The following YPEL5 variants were observed in gnomAD, a reference collection of about 807,000 sequenced individuals.
YPEL5 encodes the protein protein yippee-like 5.
Under a neutral mutation model 10.5 loss-of-function variants are expected in YPEL5, and 1 was observed. That is an observed-to-expected ratio of 0.10 (90% CI 0.03 to 0.45). The LOEUF is 0.45. Among genes scored for constraint, YPEL5 ranks in the 20% least tolerant of loss-of-function variants. YPEL5 has a pLI of 0.97. For missense variants in YPEL5, 68 were observed against 159.3 expected (o/e 0.43, Z 3.09); for synonymous variants, 61 against 56.6 (o/e 1.08, Z -0.35).
intron 1 of YPEL5, among the ~76,000 whole-genome samples, chr2:30,151,506 A>T (rs1465900415): frequency 6.6e-6 from 1 of 152,252 alleles, no homozygotes; most frequent in Non-Finnish European, 1.5e-5. Context: ...TTATATTTTC[A>T]TCCCAGCCCC....
At chr2:30,158,364 G>A (rs939555030) in intron 2 of YPEL5, among the ~76,000 whole-genome samples, 2 of 152,162 alleles carry the variant, frequency 1.3e-5, no homozygotes, top group Non-Finnish European at 2.9e-5. Flanking sequence ...AATGTAACTA[G>A]TATGTTTAAA....
intron 2 of YPEL5, among the ~76,000 whole-genome samples, chr2:30,157,189 A>G (rs1676080389): frequency 6.6e-6 from 1 of 152,072 alleles, no homozygotes; most frequent in South Asian, 2.1e-4. Flanking sequence ...AGGCTGAGGC[A>G]GGAGAAACAC....
At chr2:30,150,497 A>C (rs1397753869) in intron 1 of YPEL5, among the ~76,000 whole-genome samples, 4 of 152,214 alleles carry the variant, frequency 2.6e-5, no homozygotes, top group Non-Finnish European at 4.4e-5. Flanking sequence ...TCTGAGCTCC[A>C]CAGTTTAAGT....
At chr2:30,156,058 C>T (rs1040309603) in intron 1 of YPEL5, 1 of 152,352 alleles carries the variant, frequency 6.6e-6, no homozygotes, top group Admixed American at 6.5e-5. Flanking sequence ...TACCTAGTAA[C>T]AGTGCTCCCT....
At chr2:30,150,352 T>A (rs1675725418) in intron 1 of YPEL5, among the ~76,000 whole-genome samples, 1 of 152,172 alleles carries the variant, frequency 6.6e-6, no homozygotes, top group Non-Finnish European at 1.5e-5. Context: ...CCACTTAATT[T>A]CTCATAACTC....
At chr2:30,149,627 G>T (rs1266343788) in intron 1 of YPEL5, among the ~76,000 whole-genome samples, 1 of 152,234 alleles carries the variant, frequency 6.6e-6, no homozygotes, top group Non-Finnish European at 1.5e-5. Flanking sequence ...CGAGGGAAGA[G>T]ATTAAAAACG....
At chr2:30,150,806 C>T (rs1281586478) in intron 1 of YPEL5, among the ~76,000 whole-genome samples, 1 of 152,078 alleles carries the variant, frequency 6.6e-6, no homozygotes, top group Non-Finnish European at 1.5e-5. Flanking sequence ...GGTAAAGGGC[C>T]AGGTAAAAAA....
intron 1 of YPEL5, chr2:30,147,879 G>C (rs924030285): frequency 6.5e-6 from 1 of 153,602 alleles, no homozygotes; most frequent in African/African-American, 2.4e-5. Context: ...CTGCCGCCCC[G>C]GTCCCTCCCG....
At chr2:30,154,670 G>T (rs181134506) in intron 1 of YPEL5, among the ~76,000 whole-genome samples, 1 of 152,102 alleles carries the variant, frequency 6.6e-6, no homozygotes, top group Non-Finnish European at 1.5e-5. Context: ...GTATTCCTAG[G>T]CTACCAAATG....
Position 30,156,549 on chromosome 2 carries a change from T to G in YPEL5, c.-24-79T>G. ...AGATTACATAAATACGTATACAAAT[T>G]GTTCTCTATGACACCCCCCAAGTAG... is the stretch of plus-strand genomic sequence containing the variant. On this transcript the variant is annotated intron_variant, in intron 1 of 2. Coordinates refer to ENST00000261353, the MANE Select transcript of YPEL5 (RefSeq NM_016061.3). The G allele has an allele frequency of 3.0e-6, 4 of 1,311,850 alleles. No homozygotes were observed. In the South Asian group the frequency reaches 5.3e-5, roughly 17 times the overall value. 81.3% of individuals were successfully genotyped at this position (1,311,850 alleles called of 1,614,324 possible). A position where few individuals can be genotyped will look rare whatever the true frequency, so the allele number is the denominator to read the frequency against.
chr2:30,156,584 T>C (rs976213890), intron 1 of YPEL5, 44 bp from the exon 2 acceptor site: 2 of 1,583,236 alleles, frequency 1.3e-6, no homozygotes, highest in African/African-American at 2.7e-5. Context: ...GGTGCTAACA[T>C]GATTATTATA....
chr2:30,154,455 T>C (rs1395586799), intron 1 of YPEL5, among the ~76,000 whole-genome samples: 1 of 152,218 alleles, frequency 6.6e-6, no homozygotes, highest in African/African-American at 2.4e-5. Flanking sequence ...TGCAGGTCAC[T>C]TGTAGTCAGT....
chr2:30,147,934 G>A (rs1004557216), intron 1 of YPEL5: 1 of 152,402 alleles, frequency 6.6e-6, no homozygotes, highest in East Asian at 1.9e-4. Flanking sequence ...TGGGCCGGCG[G>A]GGGCGCTCGC....
chr2:30,152,890 G>GTTTTTTTTTT (rs373848986), intron 1 of YPEL5, among the ~76,000 whole-genome samples: 4 of 122,724 alleles, frequency 3.3e-5, no homozygotes, highest in Non-Finnish European at 5.1e-5. Flanking sequence ...ACTGTCCTTT[G>GTTTTTTTTTT]TTTTTTTTTT....
chr2:30,157,889 G>A (rs1365559271), intron 2 of YPEL5, among the ~76,000 whole-genome samples: 1 of 152,230 alleles, frequency 6.6e-6, no homozygotes, highest in Non-Finnish European at 1.5e-5. Flanking sequence ...ACACAGCTCT[G>A]CTTGTGCATT....
chr2:30,156,933 C>A, intron 2 of YPEL5, 141 bp downstream of exon 2: 2 of 1,034,342 alleles, frequency 1.9e-6, no homozygotes, highest in Non-Finnish European at 2.8e-6. Flanking sequence ...TGCCCACTAG[C>A]TCGTCTTTGA....
rs116758422 is a variant in YPEL5 at position 30,149,895 on chromosome 2, A to G, written c.-25+2833A>G. On this transcript the variant is annotated intron_variant, in intron 1 of 2. Transcript: ENST00000261353. ...CCCTGAGGCGATGGTTTCATTTACTAAGGAAAAGTTTATCTGTGAACTGGG... is the reference window on the plus strand; with the variant it reads ...CCCTGAGGCGATGGTTTCATTTACTGAGGAAAAGTTTATCTGTGAACTGGG... Among the ~76,000 whole-genome samples, 768 of 152,330 alleles carry G rather than the reference A, an allele frequency of 5.0e-3. 12 individuals carry two copies. The highest frequency in any genetic ancestry group is 0.018 in the African/African-American group (734 of 41,580).
rs1467284580 is a variant in YPEL5 at position 30,158,600 on chromosome 2, T to G, written c.142-19T>G. The G allele has an allele frequency of 4.3e-6, 7 of 1,609,746 alleles. No homozygotes were observed. Among genetic ancestry groups the G allele is most frequent in the Non-Finnish European group, 5.9e-6 (7 of 1,177,704 alleles). ...AACTAACATGCCTTGCAATTTTGATTTTCCTTGTCCCTTGTTAGGTAGTTA... is the reference window on the plus strand; with the variant it reads ...AACTAACATGCCTTGCAATTTTGATGTTCCTTGTCCCTTGTTAGGTAGTTA... On this transcript the variant is annotated intron_variant, in intron 2 of 2. Coordinates refer to ENST00000261353, the MANE Select transcript of YPEL5 (RefSeq NM_016061.3).
chr2:30,155,697 G>A (rs886683132), intron 1 of YPEL5: 1 of 152,170 alleles, frequency 6.6e-6, no homozygotes, highest in Non-Finnish European at 1.5e-5. Context: ...ATGTTATAAA[G>A]TGTTACCCTA....
Sources: allele counts gnomAD v4.1 joint callset (sites outside exome capture counted in the v4.1 genomes callset), GRCh38; gene constraint gnomAD v4.1.1; transcripts MANE v1.5; gene names NCBI Gene and HGNC (gene_info 2026-07-23, HGNC 2026-07-21).